The following GALNT18 variants were observed in gnomAD, a reference collection of about 807,000 sequenced individuals.
GALNT18 encodes GalNAc-transferase 18.
In GALNT18, 44 loss-of-function variants were observed where a neutral mutation model predicts 69.5. The ratio of observed to expected loss-of-function variants is 0.63; its 90% CI spans 0.50 to 0.81. The LOEUF (loss-of-function observed/expected upper bound fraction) is 0.81. Ranked by LOEUF, GALNT18 falls within the 40% of genes least tolerant of loss-of-function variation. GALNT18 has a pLI of 0.00. For missense variants in GALNT18, 715 were observed against 810.0 expected (o/e 0.88, Z 1.42); for synonymous variants, 364 against 318.2 (o/e 1.14, Z -1.53).
In GALNT18 at chr11:11,604,276, T is replaced by C. The variant is rs1233695659; in HGVS notation, c.235+17083A>G. On this transcript the variant is annotated intron_variant, in intron 1 of 10. Coordinates refer to ENST00000227756, the MANE Select transcript of GALNT18 (RefSeq NM_198516.3). This position sits in a 1 kb window ranked among gnomAD's most constrained non-coding sequence, Gnocchi z 5.6. ...AGTTAAAAATCCATTAAGAGCATTA[T>C]TGAATGTCTTATTCTCCTTCATTGT... Among the ~76,000 whole-genome samples the C allele has an allele frequency of 6.6e-6, 1 of 152,234 alleles. No individual in the cohort carries two copies. Among genetic ancestry groups the C allele is most frequent in the Non-Finnish European group, 1.5e-5 (1 of 68,036 alleles).
chr11:11,548,057 C>T (rs188321144), intron 1 of GALNT18, among the ~76,000 whole-genome samples: 113 of 152,316 alleles, frequency 7.4e-4, no homozygotes, highest in Non-Finnish European at 1.4e-3. Context: ...CTTGGGGATT[C>T]CAGAACAGCC....
rs1408095058 is a variant in GALNT18, at chr11:11,619,903, C to T, written c.235+1456G>A. On this transcript the variant is annotated intron_variant, in intron 1 of 10. Coordinates refer to ENST00000227756, the MANE Select transcript of GALNT18 (RefSeq NM_198516.3). This position sits in a 1 kb window ranked among gnomAD's most constrained non-coding sequence, Gnocchi z 4.9. Reference sequence around the variant, plus strand: ...ATGTCCCTCTTTTCTGGGAAGGTGCCGAAGCCATGGGCTTGTTTTGAAGTC... The same window carrying T: ...ATGTCCCTCTTTTCTGGGAAGGTGCTGAAGCCATGGGCTTGTTTTGAAGTC... 2.0e-5 allele frequency among the ~76,000 whole-genome samples: 3 copies of T among 152,126 alleles called. No individual in the cohort carries two copies. Among genetic ancestry groups the T allele is most frequent in the Non-Finnish European group, 2.9e-5 (2 of 68,030 alleles).
In GALNT18 at chr11:11,617,606, G is replaced by T. The variant is rs904762553; in HGVS notation, c.235+3753C>A. 1.3e-5 allele frequency among the ~76,000 whole-genome samples: 2 copies of T among 152,156 alleles called. No individual in the cohort carries two copies. The highest frequency in any genetic ancestry group is 2.9e-5 in the Non-Finnish European group (2 of 68,000). ...AAATCCAGAAGGAAATGCTCAAAAT[G>T]CAAACTGATTTTTAGGGTAGAATGA... On this transcript the variant is annotated intron_variant, in intron 1 of 10. Coordinates refer to ENST00000227756, the MANE Select transcript of GALNT18 (RefSeq NM_198516.3). The surrounding 1 kb of genome is among the most constrained non-coding windows in gnomAD (Gnocchi z 4.7).
chr11:11,392,969 A>G (rs1257642135), intron 3 of GALNT18, among the ~76,000 whole-genome samples: 3 of 152,210 alleles, frequency 2.0e-5, no homozygotes, highest in South Asian at 2.1e-4. Context: ...CTAAAGGTCC[A>G]TGCCGACCTT....
At position 11,309,534 on chromosome 11, in the gene GALNT18, C is replaced by G. The variant is rs1190113412; in HGVS notation, c.1513-16341G>C. ...ATTTTTAAATTCCTTACTTTTTCTG[C>G]CTTTTACACCCTGTAAACCCCACCT... On this transcript the variant is annotated intron_variant, in intron 9 of 10. Coordinates refer to ENST00000227756, the MANE Select transcript of GALNT18 (RefSeq NM_198516.3). The surrounding 1 kb of genome is among the most constrained non-coding windows in gnomAD (Gnocchi z 4.6). Among the ~76,000 whole-genome samples, 1 of 152,112 alleles carries G rather than the reference C, an allele frequency of 6.6e-6. No homozygotes were observed. Among genetic ancestry groups the G allele is most frequent in the East Asian group, 1.9e-4 (1 of 5,190 alleles).
At chr11:11,438,705 G>C (rs1312812509) in intron 2 of GALNT18, among the ~76,000 whole-genome samples, 4 of 152,194 alleles carry the variant, frequency 2.6e-5, no homozygotes, top group Non-Finnish European at 5.9e-5. Flanking sequence ...TGAGACAGTG[G>C]TGTTGTGTCA....
intron 1 of GALNT18, among the ~76,000 whole-genome samples, chr11:11,485,780 C>T (rs1856631221): frequency 6.6e-6 from 1 of 152,106 alleles, no homozygotes; most frequent in African/African-American, 2.4e-5. Flanking sequence ...AAGGGAGGAC[C>T]ACAAGTGGCA....
At chr11:11,348,056 T>G (rs997853791) in intron 6 of GALNT18, among the ~76,000 whole-genome samples, 4 of 145,194 alleles carry the variant, frequency 2.8e-5, no homozygotes, top group African/African-American at 9.9e-5. Context: ...CTCACCTCAT[T>G]CTATCCTGGC....
At chr11:11,594,032 G>T (rs752417847) in intron 1 of GALNT18, among the ~76,000 whole-genome samples, 3 of 152,248 alleles carry the variant, frequency 2.0e-5, no homozygotes, top group East Asian at 3.9e-4. Context: ...TAGATTCTCC[G>T]TTTTGGAATT....
chr11:11,571,683 G>A (rs1254700216), intron 1 of GALNT18, among the ~76,000 whole-genome samples: 1 of 152,142 alleles, frequency 6.6e-6, no homozygotes, highest in Non-Finnish European at 1.5e-5. Context: ...TTTTGACAAA[G>A]GATGTTTCAA....
chr11:11,271,218 A>G lies in GALNT18; in HGVS notation c.1750T>C (p.Phe584Leu), dbSNP rs1334053713. ...LQENSDLEFG[F>L]QLVLQKCSGQ... ...GAGCACTTCTGCAACACCAGCTGGA[A>G]GCCGAACTCCAGGTCGCTATTCTCC... is the stretch of plus-strand genomic sequence containing the variant. The change falls in exon 11 of 11, where the codon TTC becomes CTC. Residue 584 changes from phenylalanine to leucine, a missense_variant. Coordinates refer to ENST00000227756, the MANE Select transcript of GALNT18 (RefSeq NM_198516.3). The G allele has an allele frequency of 1.2e-6, 2 of 1,614,112 alleles. No homozygotes were observed. Among genetic ancestry groups the G allele is most frequent in the African/African-American group, 1.3e-5 (1 of 75,042 alleles).
intron 9 of GALNT18, among the ~76,000 whole-genome samples, chr11:11,323,524 C>T (rs1849870409): frequency 6.6e-6 from 1 of 152,242 alleles, no homozygotes; most frequent in African/African-American, 2.4e-5. Context: ...GCCAGCATCA[C>T]TACCGTGGCT....
At chr11:11,308,210 GA>G (rs1849610777) in intron 9 of GALNT18, among the ~76,000 whole-genome samples, 1 of 152,210 alleles carries the variant, frequency 6.6e-6, no homozygotes, top group Non-Finnish European at 1.5e-5. Flanking sequence ...GTGGCAGGAA[GA>G]ACCTCGCCGT....
Position 11,415,536 on chromosome 11 carries a change from A to G in GALNT18, c.595+17085T>C, listed in dbSNP as rs941849006. On this transcript the variant is annotated intron_variant, in intron 3 of 10. Transcript: ENST00000227756. The surrounding 1 kb of genome is among the most constrained non-coding windows in gnomAD (Gnocchi z 4.1). The stretch of plus-strand genomic sequence containing the variant: ...AAAGAGTCTAGTGGGAAATATGAGA[A>G]AGGAGAGGAGAGCCATATTGAACCT... Among the ~76,000 whole-genome samples, 1 of 152,112 alleles carries G rather than the reference A, an allele frequency of 6.6e-6. No individual in the cohort carries two copies. The highest frequency in any genetic ancestry group is 1.5e-5 in the Non-Finnish European group (1 of 68,024).
intron 1 of GALNT18, among the ~76,000 whole-genome samples, chr11:11,517,132 G>A (rs1349850487): frequency 6.6e-6 from 1 of 152,188 alleles, no homozygotes. Flanking sequence ...GAACCTGCTG[G>A]GGCTTTGATC....
In GALNT18 at chr11:11,327,153, C is replaced by T. The variant is rs1245614218; in HGVS notation, c.1445G>A (p.Cys482Tyr). 1 of 1,614,094 alleles carries T rather than the reference C, an allele frequency of 6.2e-7. No individual in the cohort carries two copies. The highest frequency in any genetic ancestry group is 1.1e-5 in the South Asian group (1 of 91,080). The change falls in exon 9 of 11, where the codon TGT becomes TAT. Residue 482 changes from cysteine to tyrosine, a missense_variant. Physicochemically the swap from Cys to Tyr is radical, Grantham distance 194. Coordinates refer to ENST00000227756, the MANE Select transcript of GALNT18 (RefSeq NM_198516.3). ...CTCTGTATCTGGCCCCTGGTCAAGA[C>T]ACAAATCAGTCTTCAGAGAATTCTG... ...VLQNSLKTDL[C>Y]LDQGPDTENV...
chr11:11,321,440 CA>C (rs1368046411), intron 9 of GALNT18, among the ~76,000 whole-genome samples: 1 of 152,122 alleles, frequency 6.6e-6, no homozygotes, highest in Admixed American at 6.5e-5. Flanking sequence ...AATAGTAAAA[CA>C]AAATAAAGGC....
rs532577643 is a variant in GALNT18, at chr11:11,620,588, G to C, written c.235+771C>G. The stretch of plus-strand genomic sequence containing the variant: ...TACAGTAGGGATCGGCCTTCACCCG[G>C]TCCCGGGCGGCTCCGCGGGGAAGGC... On this transcript the variant is annotated intron_variant, in intron 1 of 10. Transcript: ENST00000227756. This position sits in a 1 kb window ranked among gnomAD's most constrained non-coding sequence, Gnocchi z 6.9. Among the ~76,000 whole-genome samples, 16 of 152,270 alleles carry C rather than the reference G, an allele frequency of 1.1e-4. No homozygotes were observed. The highest frequency in any genetic ancestry group is 2.1e-4 in the Non-Finnish European group (14 of 68,020).
chr11:11,609,255 C>T (rs1859829709), intron 1 of GALNT18, among the ~76,000 whole-genome samples: 1 of 152,136 alleles, frequency 6.6e-6, no homozygotes, highest in Admixed American at 6.5e-5. Flanking sequence ...AGCTTCCCAA[C>T]CCGCCCCTCT....
Sources: gnomAD v4.1 joint callset for allele counts (sites outside exome capture counted in the v4.1 genomes callset) on GRCh38, gnomAD v4.1.1 for gene constraint, Gnocchi (gnomAD v3.1) non-coding constraint, MANE v1.5 for transcripts, NCBI Gene and HGNC (gene_info 2026-07-23, HGNC 2026-07-21) for gene names.